TANC1: variants seen among roughly 807,000 people sequenced by gnomAD.
TANC1 encodes tetratricopeptide repeat, ankyrin repeat and coiled-coil containing 1.
TANC1 carries 77 observed loss-of-function variants against 149.7 expected under a neutral mutation model. That is an observed-to-expected ratio of 0.51 (90% CI 0.43 to 0.62). The LOEUF (loss-of-function observed/expected upper bound fraction) is 0.62. Ranked by LOEUF, TANC1 falls within the 20% of genes least tolerant of loss-of-function variation. The probability of loss-of-function intolerance (pLI) is 0.00; values close to 1 mark genes in which losing one functional copy is unlikely to be tolerated. For synonymous variants in TANC1, 854 were observed against 925.0 expected (o/e 0.92, Z 1.39); for missense variants, 1,985 against 2,321.8 (o/e 0.85, Z 2.98).
intron 9 of TANC1, among the ~76,000 whole-genome samples, chr2:159,169,720 C>T (rs371138936): frequency 6.6e-5 from 10 of 152,214 alleles, no homozygotes; most frequent in East Asian, 1.9e-4. Flanking sequence ...AGGCCAGGCG[C>T]GGTGGCTCAT....
At chr2:159,177,180 G>A (rs11694867) in intron 13 of TANC1, among the ~76,000 whole-genome samples, 40,045 of 152,034 alleles carry the variant, frequency 0.26, 6,239 homozygotes, top group Non-Finnish European at 0.37. Context: ...AAAGTGCTGG[G>A]ATTACAGGCA....
intron 3 of TANC1, among the ~76,000 whole-genome samples, chr2:159,094,781 G>C (rs867283856): frequency 6.8e-6 from 1 of 146,832 alleles, no homozygotes; most frequent in African/African-American, 2.5e-5. Context: ...GTGTGGGGGG[G>C]GGGTGGGGGC....
At chr2:159,077,433 TTC>T (rs2043810502) in intron 3 of TANC1, among the ~76,000 whole-genome samples, 1 of 152,232 alleles carries the variant, frequency 6.6e-6, no homozygotes. Flanking sequence ...TCTTCTCTGC[TTC>T]TCTTTTCGCT....
Position 159,156,307 on chromosome 2 carries a change from GAAGAA to G in TANC1, c.682+5752_682+5756del, listed in dbSNP as rs1041750024. Among the ~76,000 whole-genome samples, 131 of 152,232 alleles carry G rather than the reference GAAGAA, an allele frequency of 8.6e-4. 1 individual carries two copies. The highest frequency in any genetic ancestry group is 3.0e-3 in the African/African-American group (124 of 41,528). ...TTTTTTAAAATCTCTTGGGTGAAGA[GAAGAA>G]TTTTTCTTTATGTATATAATTTGGT... is the stretch of plus-strand genomic sequence containing the variant. On this transcript the variant is annotated intron_variant, in intron 7 of 26. Transcript: ENST00000263635.
intron 2 of TANC1, among the ~76,000 whole-genome samples, chr2:159,043,171 C>T (rs959564827): frequency 4.6e-5 from 7 of 152,168 alleles, no homozygotes; most frequent in Admixed American, 4.6e-4. Context: ...TCTTTTTCTC[C>T]ATTACTGCTG....
At position 159,057,036 on chromosome 2, in the gene TANC1, G is replaced by A. The variant is rs187369662; in HGVS notation, c.-15-8860G>A. On this transcript the variant is annotated intron_variant, in intron 2 of 26. Coordinates refer to ENST00000263635, the MANE Select transcript of TANC1 (RefSeq NM_033394.3). Reference sequence around the variant, plus strand: ...TGAGGATAGGAGCAGTTTCATAATCGGGTGTTATGGCCTGGTCTGCAGCCT... The same window carrying A: ...TGAGGATAGGAGCAGTTTCATAATCAGGTGTTATGGCCTGGTCTGCAGCCT... 4.9e-4 allele frequency among the ~76,000 whole-genome samples: 75 copies of A among 152,274 alleles called. 1 individual carries two copies. Among genetic ancestry groups the A allele is most frequent in the South Asian group, 6.2e-4 (3 of 4,826 alleles).
At chr2:159,137,791 T>G (rs1372767251) in intron 5 of TANC1, among the ~76,000 whole-genome samples, 5 of 152,196 alleles carry the variant, frequency 3.3e-5, no homozygotes, top group African/African-American at 9.6e-5. Flanking sequence ...CCAAAGCCTT[T>G]GTAGCCCTGG....
At chr2:158,992,952 C>T (rs1427090164) in intron 1 of TANC1, among the ~76,000 whole-genome samples, 1 of 145,372 alleles carries the variant, frequency 6.9e-6, no homozygotes, top group Non-Finnish European at 1.6e-5. Context: ...GTGTGTTCTC[C>T]ATCACAGCCG....
intron 3 of TANC1, among the ~76,000 whole-genome samples, chr2:159,075,028 T>G (rs2043519946): frequency 1.3e-5 from 2 of 152,040 alleles, no homozygotes; most frequent in Non-Finnish European, 1.5e-5. Context: ...ACATTGGGAG[T>G]TAGAGCTTCA....
At chr2:159,033,730 G>A (rs56226193) in intron 2 of TANC1, among the ~76,000 whole-genome samples, 4 of 152,014 alleles carry the variant, frequency 2.6e-5, no homozygotes, top group South Asian at 2.1e-4. Context: ...CGGTGTTCCC[G>A]CAGGCTTCAC....
At position 159,231,089 on chromosome 2, in the gene TANC1, C is replaced by G. The variant is rs1041875865; in HGVS notation, c.*77C>G. The G allele has an allele frequency of 3.3e-6, 4 of 1,223,884 alleles. No individual in the cohort carries two copies. Among genetic ancestry groups the G allele is most frequent in the African/African-American group, 3.0e-5 (2 of 65,748 alleles). The allele number at this position is 1,223,884 out of a possible 1,614,324, so 75.8% of individuals were successfully genotyped here. A position where few individuals can be genotyped will look rare whatever the true frequency, so the allele number is the denominator to read the frequency against. On this transcript the variant is annotated 3_prime_UTR_variant, in exon 27 of 27. Transcript: ENST00000263635. ...TGGTAAATTAAATAGTTTTTTTCAT[C>G]AGAAAAATTATTTTTTAGCCATTTT...
Position 159,170,777 on chromosome 2 carries a change from T to C in TANC1, c.1323T>C (p.Ala441=). 6.2e-7 allele frequency: 1 copy of C among 1,614,180 alleles called. No individual in the cohort carries two copies. The highest frequency in any genetic ancestry group is 1.1e-5 in the South Asian group (1 of 91,078). The change falls in exon 10 of 27, where the codon GCT becomes GCC. Residue 441 remains alanine (A), a synonymous_variant. Coordinates refer to ENST00000263635, the MANE Select transcript of TANC1 (RefSeq NM_033394.3). ...ACGGAAGCCGCATGAGGCAGATTGC[T>C]TCCAACAGCCCGGGTTCATCACCTA... The part of the protein sequence containing the change: ...SCHGSRMRQI[A]SNSPGSSPKT...
chr2:159,148,981 A>C, intron 5 of TANC1, 161 bp from the exon 6 acceptor site: 1 of 742,452 alleles, frequency 1.3e-6, no homozygotes, highest in Non-Finnish European at 2.2e-6. Context: ...TCCCTTAATT[A>C]GAATGTATTG....
chr2:159,034,966 C>T (rs1036949412), intron 2 of TANC1, among the ~76,000 whole-genome samples: 1 of 152,176 alleles, frequency 6.6e-6, no homozygotes, highest in African/African-American at 2.4e-5. Context: ...GAACCCTTTA[C>T]AGCTGGAGGA....
chr2:158,988,695 T>C (rs2035296079), intron 1 of TANC1, among the ~76,000 whole-genome samples: 1 of 152,178 alleles, frequency 6.6e-6, no homozygotes, highest in Non-Finnish European at 1.5e-5. Context: ...CCCCACTCTA[T>C]GCCAGGCTCT....
At chr2:159,116,342 G>A (rs538617169) in intron 4 of TANC1, among the ~76,000 whole-genome samples, 1 of 152,008 alleles carries the variant, frequency 6.6e-6, no homozygotes, top group East Asian at 1.9e-4. Flanking sequence ...CAGGAGAATC[G>A]CTTGAACCCA....
chr2:159,036,631 T>C (rs2040214501), intron 2 of TANC1, among the ~76,000 whole-genome samples: 1 of 152,168 alleles, frequency 6.6e-6, no homozygotes, highest in South Asian at 2.1e-4. Context: ...GTCCTTGTGA[T>C]AGTTTGCTGA....
At chr2:159,105,970 TAA>T (rs57945495) in intron 4 of TANC1, among the ~76,000 whole-genome samples, 1 of 147,964 alleles carries the variant, frequency 6.8e-6, no homozygotes. Flanking sequence ...CATGTATGTT[TAA>T]AAAAAAAAAA....
chr2:159,194,207 G>A (rs2057682693), intron 16 of TANC1, 50 bp from the exon 17 acceptor site: 1 of 1,481,640 alleles, frequency 6.7e-7, no homozygotes, highest in East Asian at 2.3e-5. Flanking sequence ...TTCCAGAAAT[G>A]TTTAGATGAC....
Sources: gnomAD v4.1 joint callset for allele counts (sites outside exome capture counted in the v4.1 genomes callset) on GRCh38, gnomAD v4.1.1 for gene constraint, MANE v1.5 for transcripts, NCBI Gene and HGNC (gene_info 2026-07-23, HGNC 2026-07-21) for gene names.